The following ATG7 variants were observed in gnomAD, a reference collection of about 807,000 sequenced individuals.
ATG7 encodes autophagy related 7.
Under a neutral mutation model 82.4 loss-of-function variants are expected in ATG7, and 70 were observed. The ratio of observed to expected loss-of-function variants is 0.85; its 90% CI spans 0.70 to 1.04. The LOEUF (loss-of-function observed/expected upper bound fraction) is 1.04. Ranked by LOEUF, ATG7 falls within the 50% of genes least tolerant of loss-of-function variation. The pLI, the probability that ATG7 is intolerant of heterozygous loss-of-function variation, is 0.00. For missense variants in ATG7, 792 were observed against 864.3 expected, an observed-to-expected ratio of 0.92 and a Z score of 1.05; for synonymous variants, 287 against 313.0, an observed-to-expected ratio of 0.92 and a Z score of 0.88.
intron 3 of ATG7, among the ~76,000 whole-genome samples, chr3:11,292,048 T>C (rs7625184): frequency 0.23 from 34,711 of 151,896 alleles, 4,439 homozygotes; most frequent in South Asian, 0.36. Flanking sequence ...CGTGAGTATA[T>C]CACTGCAAGA....
At chr3:11,512,540 A>C (rs2092110202) in intron 20 of ATG7, among the ~76,000 whole-genome samples, 1 of 152,210 alleles carries the variant, frequency 6.6e-6, no homozygotes, top group Admixed American at 6.5e-5. Flanking sequence ...CACTGACTTC[A>C]AGAATGAAGC....
chr3:11,296,609 C>T (rs1201351428), intron 3 of ATG7, among the ~76,000 whole-genome samples: 1 of 152,224 alleles, frequency 6.6e-6, no homozygotes, highest in Non-Finnish European at 1.5e-5. Flanking sequence ...AATTCGTTAG[C>T]CTCACATTTG....
At chr3:11,524,309 G>A (rs2092518306) in intron 20 of ATG7, among the ~76,000 whole-genome samples, 1 of 152,164 alleles carries the variant, frequency 6.6e-6, no homozygotes, top group Admixed American at 6.5e-5. Context: ...TCCCCACTGG[G>A]AAACTGGGTT....
At chr3:11,568,457 GA>G in the ATG7 span, 1 of 1,137,220 alleles carries the variant, frequency 8.8e-7, no homozygotes, top group Non-Finnish European at 1.3e-6. The surrounding 1 kb of genome is among the most constrained non-coding windows in gnomAD (Gnocchi z 5.9). Context: ...GCAGCAGGGA[GA>G]AGGGGACTTC....
chr3:11,384,508 A>G (rs1007415587), intron 19 of ATG7, among the ~76,000 whole-genome samples: 2 of 152,228 alleles, frequency 1.3e-5, no homozygotes, highest in Non-Finnish European at 2.9e-5. Context: ...ATCTGGGCAT[A>G]TATCTTGAAG....
At chr3:11,299,084 A>C in intron 4 of ATG7, 1 of 608,726 alleles carries the variant, frequency 1.6e-6, no homozygotes, top group South Asian at 2.2e-5. Flanking sequence ...TAATCCAAAT[A>C]ATACCCATTA....
At chr3:11,399,371 G>A (rs1337922790) in intron 19 of ATG7, among the ~76,000 whole-genome samples, 1 of 151,962 alleles carries the variant, frequency 6.6e-6, no homozygotes. Flanking sequence ...ATATAAATCG[G>A]ATGGAAAAGA....
intron 1 of ATG7, among the ~76,000 whole-genome samples, chr3:11,279,692 C>G (rs572271091): frequency 1.3e-5 from 2 of 151,972 alleles, no homozygotes; most frequent in Admixed American, 1.3e-4. Flanking sequence ...CTCAAGACTC[C>G]GTCTCAAAAA....
intron 20 of ATG7, among the ~76,000 whole-genome samples, chr3:11,470,655 CAG>C (rs1212195761): frequency 1.3e-5 from 2 of 152,074 alleles, no homozygotes; most frequent in Admixed American, 6.5e-5. Context: ...AGTTGAGGCT[CAG>C]AGGTGTGTCA....
At chr3:11,561,121 G>T (rs2072951153), downstream of ATG7, among the ~76,000 whole-genome samples, 1 of 142,260 alleles carries the variant, frequency 7.0e-6, no homozygotes, top group Non-Finnish European at 1.5e-5. Context: ...TTGGGCTCTA[G>T]GAGACCCCCC....
chr3:11,322,280 A>C (rs1950316486), intron 9 of ATG7, among the ~76,000 whole-genome samples: 1 of 152,202 alleles, frequency 6.6e-6, no homozygotes, highest in South Asian at 2.1e-4. Flanking sequence ...TATCTTTTTG[A>C]AAAATTCTAG....
At chr3:11,441,989 G>T (rs912911986) in intron 20 of ATG7, among the ~76,000 whole-genome samples, 1 of 152,040 alleles carries the variant, frequency 6.6e-6, no homozygotes, top group Non-Finnish European at 1.5e-5. Flanking sequence ...TTTTTATAAA[G>T]ATGAGGTTTC....
chr3:11,391,157 A>T (rs926090606), intron 19 of ATG7, among the ~76,000 whole-genome samples: 12 of 152,304 alleles, frequency 7.9e-5, no homozygotes, highest in African/African-American at 2.6e-4. Flanking sequence ...AAAACTTTCC[A>T]TCTTTAGAAG....
At chr3:11,476,509 TA>T (rs1390525299) in intron 20 of ATG7, among the ~76,000 whole-genome samples, 2 of 150,888 alleles carry the variant, frequency 1.3e-5, no homozygotes, top group Non-Finnish European at 2.9e-5. Context: ...TGTATCAGAA[TA>T]TAATTACTCC....
chr3:11,459,456 T>A (rs1253208839), intron 20 of ATG7, among the ~76,000 whole-genome samples: 1 of 151,724 alleles, frequency 6.6e-6, no homozygotes, highest in Non-Finnish European at 1.5e-5. Context: ...AAATAATTAA[T>A]TCTGGACGTC....
At chr3:11,288,664 A>G (rs992224361) in intron 3 of ATG7, 4 of 152,190 alleles carry the variant, frequency 2.6e-5, no homozygotes, top group Non-Finnish European at 5.9e-5. Context: ...TTGGGAGGCA[A>G]CCGCCACTGC....
At position 11,475,791 on chromosome 3, in the gene ATG7, G is replaced by A. The variant is rs987172074; in HGVS notation, c.2079+48865G>A. Among the ~76,000 whole-genome samples the A allele has an allele frequency of 2.0e-5, 3 of 151,526 alleles. No homozygotes were observed. In the East Asian group the frequency reaches 5.8e-4, roughly 29 times the overall value. On this transcript the variant is annotated intron_variant, in intron 20 of 20. Coordinates refer to ENST00000693202, the MANE Select transcript of ATG7 (RefSeq NM_001349232.2). ...ATCTTGCAAAACCTGTTGACCCATT[G>A]ATACCCTGTACCCTAAGTAGGCAGT...
intron 20 of ATG7, among the ~76,000 whole-genome samples, chr3:11,524,725 T>C (rs2092528869): frequency 6.6e-6 from 1 of 152,148 alleles, no homozygotes; most frequent in Non-Finnish European, 1.5e-5. Context: ...AGTTGGAGGC[T>C]GCAGTGAATT....
intron 3 of ATG7, among the ~76,000 whole-genome samples, chr3:11,294,594 T>C (rs895585362): frequency 6.6e-6 from 1 of 152,294 alleles, no homozygotes; most frequent in South Asian, 2.1e-4. Context: ...AAATATTTAA[T>C]AGGAGTTGAG....
Sources: gnomAD v4.1 joint callset for allele counts (sites outside exome capture counted in the v4.1 genomes callset) on GRCh38, gnomAD v4.1.1 for gene constraint, Gnocchi (gnomAD v3.1) non-coding constraint, MANE v1.5 for transcripts, NCBI Gene and HGNC (gene_info 2026-07-23, HGNC 2026-07-21) for gene names.